CHRM2: variants seen among roughly 807,000 people sequenced by gnomAD.
CHRM2 encodes the protein cholinergic receptor muscarinic 2, also known as muscarinic acetylcholine receptor M2.
Under a neutral mutation model 25.0 loss-of-function variants are expected in CHRM2, and 8 were observed. The observed-to-expected ratio is 0.32, with a 90% CI of 0.19 to 0.58. The LOEUF is 0.58. Ranked by LOEUF, CHRM2 falls within the 20% of genes least tolerant of loss-of-function variation. The probability of loss-of-function intolerance (pLI) is 0.88; values close to 1 mark genes in which losing one functional copy is unlikely to be tolerated. For missense variants in CHRM2, 440 were observed against 567.1 expected (o/e 0.78, Z 2.28); for synonymous variants, 202 against 205.7 (o/e 0.98, Z 0.15).
At position 137,018,147 on chromosome 7, in the gene CHRM2, C is replaced by T. The variant is rs570667576; in HGVS notation, c.*1881C>T. On this transcript the variant is annotated 3_prime_UTR_variant, in exon 4 of 4. Transcript: ENST00000680005. The stretch of plus-strand genomic sequence containing the variant: ...AAAAGAATTATTTTGTATGATTAGC[C>T]TCATAGATGCCACCTCAACATTTTG... 6.6e-6 allele frequency: 1 copy of T among 151,452 alleles called. No individual in the cohort carries two copies. Among genetic ancestry groups the T allele is most frequent in the South Asian group, 2.1e-4 (1 of 4,816 alleles). 9.4% of individuals were successfully genotyped at this position (151,452 alleles called of 1,614,324 possible). A position where few individuals can be genotyped will look rare whatever the true frequency, so the allele number is the denominator to read the frequency against.
intron 2 of CHRM2, among the ~76,000 whole-genome samples, chr7:136,909,194 G>C (rs1272795519): frequency 6.6e-6 from 1 of 151,860 alleles, no homozygotes; most frequent in East Asian, 1.9e-4. Context: ...TTATTATTTT[G>C]TTCTCATGAT....
intron 2 of CHRM2, among the ~76,000 whole-genome samples, chr7:136,933,911 T>G (rs1217562447): frequency 3.3e-5 from 5 of 152,144 alleles, no homozygotes; most frequent in Admixed American, 3.3e-4. Context: ...TTTGTGAGTT[T>G]GGGAAAATTG....
At chr7:136,898,316 CTT>C (rs1306633982) in intron 2 of CHRM2, among the ~76,000 whole-genome samples, 1 of 152,082 alleles carries the variant, frequency 6.6e-6, no homozygotes, top group Non-Finnish European at 1.5e-5. Flanking sequence ...AGAAACTACT[CTT>C]AATCTGATCA....
At chr7:136,969,763 A>G (rs1457558034) in intron 2 of CHRM2, among the ~76,000 whole-genome samples, 1 of 152,152 alleles carries the variant, frequency 6.6e-6, no homozygotes, top group African/African-American at 2.4e-5. Context: ...TGCTGCTTTC[A>G]TTATTGCTTA....
intron 2 of CHRM2, among the ~76,000 whole-genome samples, chr7:136,976,125 A>G (rs909386837): frequency 1.3e-5 from 2 of 152,324 alleles, no homozygotes; most frequent in South Asian, 2.1e-4. Flanking sequence ...AGCCATGTAT[A>G]CAAAGCCTCA....
chr7:137,001,371 T>C (rs918950461), intron 3 of CHRM2, among the ~76,000 whole-genome samples: 4 of 152,182 alleles, frequency 2.6e-5, no homozygotes, highest in Non-Finnish European at 5.9e-5. Flanking sequence ...AGCTTTACAG[T>C]GGGCTTTGAA....
At chr7:136,994,132 C>T (rs1308609324) in intron 3 of CHRM2, among the ~76,000 whole-genome samples, 1 of 152,148 alleles carries the variant, frequency 6.6e-6, no homozygotes, top group African/African-American at 2.4e-5. Context: ...CATGCTCCAA[C>T]CCCTTTCCTG....
chr7:136,886,290 A>G (rs970823273), intron 2 of CHRM2, among the ~76,000 whole-genome samples: 1 of 152,194 alleles, frequency 6.6e-6, no homozygotes, highest in South Asian at 2.1e-4. Context: ...CTCTAGTTTT[A>G]TGTGACTTCT....
intron 2 of CHRM2, among the ~76,000 whole-genome samples, chr7:136,935,265 A>G (rs1229268104): frequency 1.3e-5 from 2 of 152,112 alleles, no homozygotes; most frequent in Non-Finnish European, 2.9e-5. Context: ...TCAGAAACAT[A>G]CCTGTACATA....
At chr7:136,900,902 T>C (rs1328374769) in intron 2 of CHRM2, among the ~76,000 whole-genome samples, 1 of 151,984 alleles carries the variant, frequency 6.6e-6, no homozygotes, top group Non-Finnish European at 1.5e-5. Flanking sequence ...CTGAATGATA[T>C]GGGTAGGGTA....
intron 3 of CHRM2, among the ~76,000 whole-genome samples, chr7:137,008,656 C>A (rs1301905039): frequency 6.6e-6 from 1 of 152,010 alleles, no homozygotes; most frequent in Non-Finnish European, 1.5e-5. Flanking sequence ...ATTAAAAAAT[C>A]TGTAGGAAGC....
intron 3 of CHRM2, among the ~76,000 whole-genome samples, chr7:136,993,735 C>A (rs1803386162): frequency 6.6e-6 from 1 of 152,010 alleles, no homozygotes; most frequent in Non-Finnish European, 1.5e-5. Flanking sequence ...GCCTCAGAAC[C>A]CATTCCAAAG....
chr7:136,960,390 C>T (rs1437585152), intron 2 of CHRM2, among the ~76,000 whole-genome samples: 2 of 152,308 alleles, frequency 1.3e-5, no homozygotes, highest in East Asian at 3.9e-4. Flanking sequence ...CCATTTCTAA[C>T]ACCAGAGGAG....
intron 2 of CHRM2, among the ~76,000 whole-genome samples, chr7:136,964,887 T>C (rs1801315942): frequency 6.6e-6 from 1 of 152,164 alleles, no homozygotes; most frequent in Non-Finnish European, 1.5e-5. Flanking sequence ...GTTATTAAGC[T>C]TCCTTCCCTT....
chr7:136,982,395 C>A (rs1745087728), intron 2 of CHRM2, among the ~76,000 whole-genome samples: 1 of 152,154 alleles, frequency 6.6e-6, no homozygotes, highest in Admixed American at 6.5e-5. Context: ...GACTCTTTAT[C>A]CAATTTGCCA....
chr7:136,961,713 G>A (rs1479503600), intron 2 of CHRM2, among the ~76,000 whole-genome samples: 1 of 152,012 alleles, frequency 6.6e-6, no homozygotes, highest in Non-Finnish European at 1.5e-5. Context: ...ACTGGAAGAT[G>A]TATCTAGATA....
intron 2 of CHRM2, among the ~76,000 whole-genome samples, chr7:136,946,593 AT>A (rs1010201955): frequency 2.1e-4 from 32 of 152,152 alleles, no homozygotes; most frequent in African/African-American, 7.7e-4. Flanking sequence ...GTGGGGGTTT[AT>A]TTGTTCTATT....
intron 2 of CHRM2, among the ~76,000 whole-genome samples, chr7:136,915,618 T>C (rs1798061886): frequency 6.6e-6 from 1 of 151,844 alleles, no homozygotes; most frequent in African/African-American, 2.4e-5. Flanking sequence ...CTTACATATA[T>C]CAACTAGTTC....
chr7:136,907,239 TG>T (rs1016102745), intron 2 of CHRM2, among the ~76,000 whole-genome samples: 2 of 151,944 alleles, frequency 1.3e-5, no homozygotes, highest in Admixed American at 1.3e-4. Context: ...GTCTGTGGCC[TG>T]GGGTTGAAGA....
Sources: allele counts gnomAD v4.1 joint callset (sites outside exome capture counted in the v4.1 genomes callset), GRCh38; gene constraint gnomAD v4.1.1; transcripts MANE v1.5; gene names NCBI Gene and HGNC (gene_info 2026-07-23, HGNC 2026-07-21).